The following VPS13C variants were observed in gnomAD, a reference collection of about 807,000 sequenced individuals.
VPS13C encodes the protein intermembrane lipid transfer protein VPS13C.
In VPS13C, 358 loss-of-function variants were observed where a neutral mutation model predicts 456.8. The observed-to-expected ratio is 0.78, with a 90% CI of 0.72 to 0.86. The LOEUF (loss-of-function observed/expected upper bound fraction) is 0.86. Among genes scored for constraint, VPS13C ranks in the 40% least tolerant of loss-of-function variants. The probability of loss-of-function intolerance (pLI) is 0.00; values close to 1 mark genes in which losing one functional copy is unlikely to be tolerated. For synonymous variants in VPS13C, 1,578 were observed against 1,486.7 expected (o/e 1.06, Z -1.41); for missense variants, 4,818 against 4,385.4 (o/e 1.10, Z -2.79).
intron 62 of VPS13C, among the ~76,000 whole-genome samples, 169 bp from the exon 63 acceptor site, chr15:61,912,173 T>C (rs969526475): frequency 4.6e-5 from 7 of 152,200 alleles, no homozygotes; most frequent in African/African-American, 1.7e-4. Context: ...AAAAAAATTA[T>C]AGTTCCTTAG....
chr15:61,867,753 A>G lies in VPS13C; in HGVS notation c.10863+906T>C, dbSNP rs1894693697. The stretch of plus-strand genomic sequence containing the variant: ...ATTTCTGGACAGTATTACCAGGAAT[A>G]CCACAAGTTTTTATTTGTAGTCAAT... On this transcript the variant is annotated intron_variant, in intron 81 of 84. Transcript: ENST00000644861. The surrounding 1 kb of genome is among the most constrained non-coding windows in gnomAD (Gnocchi z 5.0). 1 of 1,472,856 alleles carries G rather than the reference A, an allele frequency of 6.8e-7. No individual in the cohort carries two copies. The highest frequency in any genetic ancestry group is 9.0e-7 in the Non-Finnish European group (1 of 1,115,698). 91.2% of individuals were successfully genotyped at this position (1,472,856 alleles called of 1,614,324 possible). A position where few individuals can be genotyped will look rare whatever the true frequency, so the allele number is the denominator to read the frequency against.
chr15:61,992,674 T>C (rs1410283790), intron 16 of VPS13C, among the ~76,000 whole-genome samples: 3 of 152,134 alleles, frequency 2.0e-5, no homozygotes. Flanking sequence ...TATATACATT[T>C]TCAAGCCCTG....
intron 81 of VPS13C, chr15:61,864,237 A>C (rs961148728): frequency 8.2e-6 from 6 of 728,176 alleles, no homozygotes; most frequent in Non-Finnish European, 1.0e-5. Context: ...ACAATTTCTA[A>C]GATTTCAAAA....
At chr15:61,871,208 T>C (rs988457005) in intron 79 of VPS13C, among the ~76,000 whole-genome samples, 1 of 152,172 alleles carries the variant, frequency 6.6e-6, no homozygotes, top group Admixed American at 6.6e-5. Flanking sequence ...TCCTATATTT[T>C]CCTCTGAGTT....
intron 27 of VPS13C, among the ~76,000 whole-genome samples, chr15:61,969,853 G>A (rs1008838482): frequency 7.9e-5 from 12 of 151,996 alleles, no homozygotes; most frequent in Admixed American, 2.0e-4. Context: ...AGTTAACTCT[G>A]GAAATTATAG....
chr15:61,854,531 G>A lies in VPS13C; in HGVS notation c.11188C>T (p.Gln3730Ter). The A allele has an allele frequency of 6.2e-7, 1 of 1,614,070 alleles. No homozygotes were observed. The highest frequency in any genetic ancestry group is 8.5e-7 in the Non-Finnish European group (1 of 1,179,980). The part of the protein sequence containing the change: ...ERACNAIEDA[Q>*]STRQQQKLMK... ...AATTTTTGCTGCTGTCTCGTTGACT[G>A]TGCATCCTCAATGGCATTACATGCT... Residue 3730 changes from glutamine (Q) to a stop codon, truncating the protein, a stop_gained, in exon 85 of 85, where the codon CAG (glutamine) becomes TAG (stop). Coordinates refer to ENST00000644861, the MANE Select transcript of VPS13C (RefSeq NM_020821.3). LOFTEE classifies it low-confidence loss of function (END_TRUNC).
rs1893792368 is a variant in VPS13C, at chr15:61,854,321, C to T, written c.*136G>A. 1.2e-6 allele frequency: 1 copy of T among 824,062 alleles called. No homozygotes were observed. The highest frequency in any genetic ancestry group is 1.7e-5 in the African/African-American group (1 of 58,474). 51.0% of individuals were successfully genotyped at this position (824,062 alleles called of 1,614,324 possible). A position where few individuals can be genotyped will look rare whatever the true frequency, so the allele number is the denominator to read the frequency against. ...ACTAAAAGGTGAAAAAACTAGAAAA[C>T]CCAATACTAGCTATTCCAGAAAACT... On this transcript the variant is annotated 3_prime_UTR_variant, in exon 85 of 85. Coordinates refer to ENST00000644861, the MANE Select transcript of VPS13C (RefSeq NM_020821.3).
chr15:61,869,888 C>T (rs985296058), intron 79 of VPS13C, among the ~76,000 whole-genome samples: 1 of 152,178 alleles, frequency 6.6e-6, no homozygotes, highest in Non-Finnish European at 1.5e-5. Flanking sequence ...TTTCTAAGCA[C>T]TCCAGGTGAT....
At chr15:61,898,198 C>G (rs532201188) in intron 66 of VPS13C, among the ~76,000 whole-genome samples, 4,271 of 151,650 alleles carry the variant, frequency 0.028, 80 homozygotes, top group Non-Finnish European at 0.044. Context: ...CATCAACTAA[C>G]GAGCAAAATC....
intron 79 of VPS13C, among the ~76,000 whole-genome samples, chr15:61,870,089 C>T (rs984835878): frequency 1.3e-5 from 2 of 152,162 alleles, no homozygotes; most frequent in African/African-American, 2.4e-5. Context: ...TAAAATTTAC[C>T]ATTTAAAATG....
intron 9 of VPS13C, among the ~76,000 whole-genome samples, chr15:62,019,626 T>C (rs1411968198): frequency 6.6e-6 from 1 of 152,162 alleles, no homozygotes; most frequent in Non-Finnish European, 1.5e-5. Context: ...TCCTGAGTTC[T>C]AGTTTGATTG....
intron 12 of VPS13C, among the ~76,000 whole-genome samples, chr15:62,011,513 C>T (rs1047507815): frequency 1.3e-5 from 2 of 151,652 alleles, no homozygotes; most frequent in East Asian, 1.9e-4. Flanking sequence ...TACGGAACAA[C>T]GTGAGTATGA....
chr15:61,948,154 G>T (rs578227945), intron 42 of VPS13C, among the ~76,000 whole-genome samples: 1 of 152,232 alleles, frequency 6.6e-6, no homozygotes, highest in African/African-American at 2.4e-5. Flanking sequence ...TAGCAAAACT[G>T]GAAGACTGTT....
In VPS13C at chr15:61,882,601, G is replaced by A. The variant is rs953602601; in HGVS notation, c.9619C>T (p.Leu3207Phe). ...QRSLRARLYW[L>F]QVDNQLPGAM... is the part of the protein sequence containing the mutation. ...TTTGAGAATGACAATGTTACCTGAA[G>A]CCAGTACAACCTGGCCCTTAAACTT... is the stretch of plus-strand genomic sequence containing the variant. The change falls in exon 69 of 85, where the codon CTT becomes TTT. Residue 3207 changes from leucine (L) to phenylalanine (F), a missense_variant. Physicochemically the swap from Leu to Phe is conservative, Grantham distance 22. Around this residue, in one of 3 missense-constraint regions of VPS13C, gnomAD observed 4,552 missense variants for 4,130.6 expected, o/e 1.10. Coordinates refer to ENST00000644861, the MANE Select transcript of VPS13C (RefSeq NM_020821.3). The A allele has an allele frequency of 1.3e-6, 2 of 1,535,202 alleles. No homozygotes were observed. Among genetic ancestry groups the A allele is most frequent in the African/African-American group, 2.8e-5 (2 of 71,240 alleles).
chr15:61,989,085 G>T (rs1281591357), intron 18 of VPS13C, among the ~76,000 whole-genome samples: 1 of 152,006 alleles, frequency 6.6e-6, no homozygotes, highest in Non-Finnish European at 1.5e-5. Flanking sequence ...GCCATCAAAA[G>T]ATATTATTAA....
intron 1 of VPS13C, among the ~76,000 whole-genome samples, chr15:62,045,851 CA>C (rs1199666790): frequency 1.3e-5 from 2 of 151,074 alleles, no homozygotes; most frequent in African/African-American, 4.9e-5. Context: ...GTATTATAAA[CA>C]AAAAAAAGTA....
rs189478068 is a variant in VPS13C, at chr15:61,957,621, G to A, written c.4165+987C>T. Reference sequence around the variant, plus strand: ...TAGTAAAGTTCTATGGAGGGCAATCGGCAAGATCTGTCAAAATCTTAAATT... The same window carrying A: ...TAGTAAAGTTCTATGGAGGGCAATCAGCAAGATCTGTCAAAATCTTAAATT... On this transcript the variant is annotated intron_variant, in intron 37 of 84. Transcript: ENST00000644861. Among the ~76,000 whole-genome samples, 124 of 152,036 alleles carry A rather than the reference G, an allele frequency of 8.2e-4. No individual in the cohort carries two copies. In the East Asian group the frequency reaches 0.011, roughly 14 times the overall value.
At chr15:61,948,053 G>A (rs944632768) in intron 42 of VPS13C, among the ~76,000 whole-genome samples, 3 of 152,046 alleles carry the variant, frequency 2.0e-5, no homozygotes, top group African/African-American at 4.8e-5. Context: ...GCAAAAGCAC[G>A]GAAAGTATCT....
At chr15:61,971,353 C>T (rs2045548037) in intron 27 of VPS13C, among the ~76,000 whole-genome samples, 1 of 152,082 alleles carries the variant, frequency 6.6e-6, no homozygotes, top group East Asian at 1.9e-4. Flanking sequence ...CCTTTACCTC[C>T]CAGGTTCAAG....
Sources: allele counts gnomAD v4.1 joint callset (sites outside exome capture counted in the v4.1 genomes callset), GRCh38; gene constraint gnomAD v4.1.1; regional missense constraint gnomAD v4.1.1; non-coding constraint Gnocchi (gnomAD v3.1); transcripts MANE v1.5; gene names NCBI Gene and HGNC (gene_info 2026-07-23, HGNC 2026-07-21).